BDNF: variants seen among roughly 807,000 people sequenced by gnomAD.
BDNF encodes the protein neurotrophic factor BDNF precursor form.
Under a neutral mutation model 19.5 loss-of-function variants are expected in BDNF, and 1 was observed. The ratio of observed to expected loss-of-function variants is 0.05; its 90% CI spans 0.02 to 0.24. The LOEUF is 0.24. Ranked by LOEUF, BDNF falls within the 10% of genes least tolerant of loss-of-function variation. The pLI is 1.00. For missense variants in BDNF, 195 were observed against 317.6 expected (o/e 0.61, Z 2.93); for synonymous variants, 100 against 121.6 (o/e 0.82, Z 1.17).
At chr11:27,684,325 A>G (rs1190598048) in intron 1 of BDNF, among the ~76,000 whole-genome samples, 1 of 152,192 alleles carries the variant, frequency 6.6e-6, no homozygotes, top group African/African-American at 2.4e-5. Context: ...TTTTCTAAAT[A>G]TACAATCATG....
chr11:27,678,177 T>C (rs949547354), intron 1 of BDNF, among the ~76,000 whole-genome samples: 1 of 152,170 alleles, frequency 6.6e-6, no homozygotes, highest in African/African-American at 2.4e-5. Context: ...CACTGTAATA[T>C]GATGAGGACA....
At chr11:27,710,576 T>C (rs1860283879) in intron 1 of BDNF, among the ~76,000 whole-genome samples, 1 of 152,204 alleles carries the variant, frequency 6.6e-6, no homozygotes, top group African/African-American at 2.4e-5. Context: ...CCAATAAACA[T>C]TCTAGTCCCC....
At chr11:27,666,762 G>A (rs887843357) in intron 1 of BDNF, among the ~76,000 whole-genome samples, 40 of 152,160 alleles carry the variant, frequency 2.6e-4, no homozygotes, top group Non-Finnish European at 4.9e-4. Context: ...AGAAATATGG[G>A]ACTATGTGAA....
chr11:27,698,869 T>C (rs1859517420), intron 1 of BDNF, among the ~76,000 whole-genome samples: 1 of 152,066 alleles, frequency 6.6e-6, no homozygotes, highest in African/African-American at 2.4e-5. Context: ...GACCCTAAAA[T>C]AAGATCCAAG....
intron 1 of BDNF, among the ~76,000 whole-genome samples, chr11:27,689,081 C>T (rs1002074715): frequency 6.6e-6 from 1 of 152,174 alleles, no homozygotes; most frequent in African/African-American, 2.4e-5. Flanking sequence ...CAGAAGGGTA[C>T]CAGTCTCTGC....
At chr11:27,668,760 C>T (rs183622840) in intron 1 of BDNF, among the ~76,000 whole-genome samples, 12 of 152,178 alleles carry the variant, frequency 7.9e-5, no homozygotes, top group African/African-American at 2.9e-4. Context: ...GAAATTGAGG[C>T]AATAATTAAT....
At chr11:27,660,474 T>C (rs1853289529) in intron 1 of BDNF, among the ~76,000 whole-genome samples, 1 of 152,186 alleles carries the variant, frequency 6.6e-6, no homozygotes, top group South Asian at 2.1e-4. Context: ...AGATCGTCCA[T>C]GGGGGTTTCT....
intron 1 of BDNF, among the ~76,000 whole-genome samples, chr11:27,712,476 T>G (rs912302869): frequency 4.6e-5 from 7 of 152,150 alleles, no homozygotes; most frequent in African/African-American, 1.7e-4. Context: ...TCAATGCCAC[T>G]GGCTTCCTTT....
chr11:27,698,785 C>T (rs1277566390), intron 1 of BDNF, among the ~76,000 whole-genome samples: 1 of 152,168 alleles, frequency 6.6e-6, no homozygotes, highest in Non-Finnish European at 1.5e-5. Flanking sequence ...TGGCCAAGAA[C>T]ATTCCTGCGT....
chr11:27,700,137 C>T (rs1022272725), intron 1 of BDNF, 27 bp downstream of exon 1: 10 of 985,946 alleles, frequency 1.0e-5, no homozygotes, highest in Non-Finnish European at 1.2e-5. Flanking sequence ...GCTCCTGCAC[C>T]AAGCCCCATT....
At chr11:27,690,590 A>G (rs1384327556) in intron 1 of BDNF, among the ~76,000 whole-genome samples, 1 of 152,194 alleles carries the variant, frequency 6.6e-6, no homozygotes, top group African/African-American at 2.4e-5. Context: ...AGATTCCTAT[A>G]CTACACATTT....
chr11:27,687,953 G>T (rs1379070493), intron 1 of BDNF, among the ~76,000 whole-genome samples: 1 of 152,192 alleles, frequency 6.6e-6, no homozygotes, highest in African/African-American at 2.4e-5. Flanking sequence ...GAGATCCACT[G>T]CTCTCTTCAC....
intron 1 of BDNF, among the ~76,000 whole-genome samples, chr11:27,673,104 A>T (rs1243532994): frequency 6.6e-6 from 1 of 152,170 alleles, no homozygotes; most frequent in Non-Finnish European, 1.5e-5. Context: ...TCAGCCCCAC[A>T]TTTAAAAGTA....
chr11:27,693,809 A>G (rs1270653766), intron 1 of BDNF, among the ~76,000 whole-genome samples: 2 of 152,254 alleles, frequency 1.3e-5, no homozygotes, highest in Non-Finnish European at 2.9e-5. Flanking sequence ...ACATGAAGGC[A>G]GAAAGAAAGA....
chr11:27,682,642 A>G (rs1856989611), intron 1 of BDNF, among the ~76,000 whole-genome samples: 1 of 151,986 alleles, frequency 6.6e-6, no homozygotes, highest in African/African-American at 2.4e-5. Flanking sequence ...CCCACTTATG[A>G]GTGAGAACAT....
rs1564938676 is a variant in BDNF, at chr11:27,657,793, A to C, written c.*28T>G. The C allele has an allele frequency of 2.5e-6, 4 of 1,610,062 alleles. No individual in the cohort carries two copies. Among genetic ancestry groups the C allele is most frequent in the African/African-American group, 2.7e-5 (2 of 74,836 alleles). On this transcript the variant is annotated 3_prime_UTR_variant, in exon 2 of 2. Coordinates refer to ENST00000356660, the MANE Select transcript of BDNF (RefSeq NM_001709.5). The surrounding 1 kb of genome is among the most constrained non-coding windows in gnomAD (Gnocchi z 5.0). Reference sequence around the variant, plus strand: ...ACAAATAGATAATTTTTGTCTCAATATAATCTAATCTATACAACATAAATC... The same window carrying C: ...ACAAATAGATAATTTTTGTCTCAATCTAATCTAATCTATACAACATAAATC...
In BDNF at chr11:27,689,957, T is replaced by C. The variant is rs543839815; in HGVS notation, c.-22+10207A>G. ...GTTCTCTCTGTTCAGCTCCCACTTA[T>C]GAGTGAGAACATGCAGTGTTAGGTT... On this transcript the variant is annotated intron_variant, in intron 1 of 1. Coordinates refer to ENST00000356660, the MANE Select transcript of BDNF (RefSeq NM_001709.5). 1.2e-4 allele frequency among the ~76,000 whole-genome samples: 18 copies of C among 152,260 alleles called. No individual in the cohort carries two copies. In the South Asian group the frequency reaches 3.3e-3, roughly 28 times the overall value.
intron 1 of BDNF, among the ~76,000 whole-genome samples, chr11:27,707,282 G>A (rs911744079): frequency 6.6e-6 from 1 of 152,178 alleles, no homozygotes; most frequent in Non-Finnish European, 1.5e-5. Context: ...CATCAAGTAT[G>A]TCTCCATTAT....
chr11:27,718,354 A>ACCCCCCCCCCCCCCCCCCCCCCCCCCCCC (rs376255605), intron 1 of BDNF, among the ~76,000 whole-genome samples: 1 of 101,112 alleles, frequency 9.9e-6, no homozygotes, highest in Non-Finnish European at 2.0e-5. Flanking sequence ...TCCGCACACC[A>ACCCCCCCCCCCCCCCCCCCCCCCCCCCCC]CCCCCCCCCG....
Sources: allele counts gnomAD v4.1 joint callset (sites outside exome capture counted in the v4.1 genomes callset), GRCh38; gene constraint gnomAD v4.1.1; non-coding constraint Gnocchi (gnomAD v3.1); transcripts MANE v1.5; gene names NCBI Gene and HGNC (gene_info 2026-07-23, HGNC 2026-07-21).